Variants in ZFAT observed in about 807,000 individuals in gnomAD.
The protein encoded by ZFAT is zinc finger protein ZFAT.
A neutral mutation model predicts 117.7 loss-of-function variants in ZFAT; 64 were observed. The observed-to-expected ratio is 0.54, with a 90% CI of 0.44 to 0.67. The LOEUF is 0.67. Ranked by LOEUF, ZFAT falls within the 30% of genes least tolerant of loss-of-function variation. The pLI is 0.00. For synonymous variants in ZFAT, 679 were observed against 615.0 expected, an observed-to-expected ratio of 1.10 and a Z score of -1.54; for missense variants, 1,433 against 1,584.5, an observed-to-expected ratio of 0.90 and a Z score of 1.62.
At chr8:134,645,525 T>C (rs933747970) in intron 2 of ZFAT, among the ~76,000 whole-genome samples, 3 of 152,134 alleles carry the variant, frequency 2.0e-5, no homozygotes, top group Admixed American at 6.5e-5. Context: ...AAGAAGAATT[T>C]GTCAAAAGTA....
chr8:134,783,904 A>C, the ZFAT span: 1 of 152,232 alleles, frequency 6.6e-6, no homozygotes, highest in Non-Finnish European at 1.5e-5. Flanking sequence ...CTTGGTGTCC[A>C]AGGTTTTTAT....
At chr8:134,665,909 G>A (rs1248982688) in intron 1 of ZFAT, among the ~76,000 whole-genome samples, 2 of 152,168 alleles carry the variant, frequency 1.3e-5, no homozygotes, top group African/African-American at 4.8e-5. Flanking sequence ...GCAGAGGAGG[G>A]AGCTGGTATT....
At chr8:134,565,685 G>A in intron 10 of ZFAT, 2 of 566,036 alleles carry the variant, frequency 3.5e-6, no homozygotes, top group Non-Finnish European at 6.3e-6. Context: ...CATTCGATCA[G>A]GCTCCTAAAG....
intron 11 of ZFAT, among the ~76,000 whole-genome samples, chr8:134,547,823 C>A (rs1189507217): frequency 6.6e-6 from 1 of 152,250 alleles, no homozygotes; most frequent in Non-Finnish European, 1.5e-5. Flanking sequence ...TGGCTCACTG[C>A]ATCTGGTGAG....
intron 11 of ZFAT, chr8:134,564,904 T>C: frequency 1.7e-6 from 2 of 1,172,916 alleles, no homozygotes; most frequent in Admixed American, 3.6e-5. Flanking sequence ...GGCACTGTGG[T>C]GGACACTCCC....
intron 5 of ZFAT, among the ~76,000 whole-genome samples, chr8:134,604,539 C>A (rs547004347): frequency 2.7e-4 from 41 of 152,334 alleles, no homozygotes; most frequent in African/African-American, 9.9e-4. Flanking sequence ...AATGAGGCTT[C>A]TTCTCCAGCC....
rs542714325 is a variant in ZFAT, at chr8:134,488,039, A to G, written c.3493-9318T>C. Reference sequence around the variant, plus strand: ...ACCTCCGTACTGAGCAACCACAGGAATAAGAGAGAGTTAGAGAGCGAATGA... The same window carrying G: ...ACCTCCGTACTGAGCAACCACAGGAGTAAGAGAGAGTTAGAGAGCGAATGA... On this transcript the variant is annotated intron_variant, in intron 15 of 15. Transcript: ENST00000377838. 1.5e-3 allele frequency among the ~76,000 whole-genome samples: 225 copies of G among 152,348 alleles called. 2 individuals are homozygous for G. Among genetic ancestry groups the G allele is most frequent in the African/African-American group, 5.2e-3 (215 of 41,574 alleles).
chr8:134,479,887 T>A (rs916106221), intron 15 of ZFAT, among the ~76,000 whole-genome samples: 1 of 152,000 alleles, frequency 6.6e-6, no homozygotes, highest in African/African-American at 2.4e-5. Flanking sequence ...TGGAAGGAGA[T>A]TCTATATGCA....
chr8:134,824,034 T>C, the ZFAT span, among the ~76,000 whole-genome samples: 8 of 152,238 alleles, frequency 5.3e-5, no homozygotes, highest in Non-Finnish European at 1.2e-4. Flanking sequence ...GAATACTGAA[T>C]AAACACCAAG....
At chr8:134,629,004 T>C (rs764162814) in intron 3 of ZFAT, among the ~76,000 whole-genome samples, 1 of 152,066 alleles carries the variant, frequency 6.6e-6, no homozygotes, top group Non-Finnish European at 1.5e-5. Context: ...ACACAGAGCA[T>C]GAATTGGGGT....
At chr8:134,625,449 G>T (rs4909323) in intron 3 of ZFAT, among the ~76,000 whole-genome samples, 63,180 of 151,996 alleles carry the variant, frequency 0.42, 13,560 homozygotes, top group Admixed American at 0.55. Context: ...ATGGAGTTCA[G>T]GGCTACCTCC....
intron 7 of ZFAT, among the ~76,000 whole-genome samples, chr8:134,594,022 G>A (rs1826730363): frequency 6.6e-6 from 1 of 152,232 alleles, no homozygotes; most frequent in Admixed American, 6.5e-5. Context: ...TTAGAAGAGA[G>A]CCAGAAACGT....
intron 15 of ZFAT, among the ~76,000 whole-genome samples, chr8:134,493,495 C>T (rs1818205410): frequency 6.6e-6 from 1 of 152,214 alleles, no homozygotes; most frequent in South Asian, 2.1e-4. Flanking sequence ...ACATCTTGTA[C>T]CTCTTGCATG....
chr8:134,772,722 C>T, the ZFAT span, among the ~76,000 whole-genome samples: 1 of 152,122 alleles, frequency 6.6e-6, no homozygotes, highest in Non-Finnish European at 1.5e-5. Flanking sequence ...GAACAGGATG[C>T]TATCTGGAAC....
upstream of ZFAT, among the ~76,000 whole-genome samples, chr8:134,715,388 T>C (rs1351239061): frequency 1.3e-5 from 2 of 152,238 alleles, no homozygotes; most frequent in Non-Finnish European, 2.9e-5. Context: ...GAAGAGTTAC[T>C]GAGCACCTAT....
Position 134,702,593 on chromosome 8 carries a change from C to G in ZFAT, c.19+10252G>C, listed in dbSNP as rs190176712. 1.4e-4 allele frequency among the ~76,000 whole-genome samples: 21 copies of G among 152,228 alleles called. No individual in the cohort carries two copies. In the East Asian group the frequency reaches 3.9e-3, roughly 28 times the overall value. ...GTTGCCTACCCCCAAGTAAAAAGTG[C>G]CTTTTGCCTTCTGCCATGATTGTAA... On this transcript the variant is annotated intron_variant, in intron 1 of 15. Coordinates refer to ENST00000377838, the MANE Select transcript of ZFAT (RefSeq NM_020863.4).
At chr8:134,647,031 C>T (rs1830935929) in intron 2 of ZFAT, among the ~76,000 whole-genome samples, 2 of 152,032 alleles carry the variant, frequency 1.3e-5, no homozygotes, top group South Asian at 4.2e-4. Context: ...GGAGGGAATA[C>T]CTCCCAACTC....
intron 12 of ZFAT, among the ~76,000 whole-genome samples, chr8:134,525,773 C>T (rs925083698): frequency 9.2e-5 from 14 of 152,198 alleles, no homozygotes; most frequent in Admixed American, 2.6e-4. Flanking sequence ...AGGCAGAAGG[C>T]GCCCGCTGTC....
chr8:134,828,394 A>G, the ZFAT span, among the ~76,000 whole-genome samples: 2 of 152,366 alleles, frequency 1.3e-5, no homozygotes, highest in South Asian at 4.1e-4. Context: ...GTATAAAAAC[A>G]AAACAAAATA....
Sources: gnomAD v4.1 joint callset for allele counts (sites outside exome capture counted in the v4.1 genomes callset) on GRCh38, gnomAD v4.1.1 for gene constraint, MANE v1.5 for transcripts, NCBI Gene and HGNC (gene_info 2026-07-23, HGNC 2026-07-21) for gene names.